Variants in TTC39B observed in about 807,000 individuals in gnomAD.
TTC39B encodes tetratricopeptide repeat protein 39B.
TTC39B carries 92 observed loss-of-function variants against 96.6 expected under a neutral mutation model. That is an observed-to-expected ratio of 0.95 (90% CI 0.80 to 1.13). The LOEUF (loss-of-function observed/expected upper bound fraction) is 1.13, where lower values mean the gene tolerates loss of function less well. Among genes scored for constraint, TTC39B ranks in the 50% most tolerant of loss-of-function variants. The pLI is 0.00. For missense variants in TTC39B, 955 were observed against 809.3 expected, an observed-to-expected ratio of 1.18 and a Z score of -2.18; for synonymous variants, 367 against 299.4, an observed-to-expected ratio of 1.23 and a Z score of -2.33.
At chr9:15,289,899 A>T (rs1030518689) in intron 1 of TTC39B, among the ~76,000 whole-genome samples, 1 of 152,128 alleles carries the variant, frequency 6.6e-6, no homozygotes, top group Non-Finnish European at 1.5e-5. Flanking sequence ...CAAATTATTC[A>T]TGTGGGCAGG....
At position 15,199,978 on chromosome 9, in the gene TTC39B, G is replaced by C. The variant is rs111916197; in HGVS notation, c.760-53C>G. On this transcript the variant is annotated intron_variant, in intron 7 of 19. Transcript: ENST00000512701. The stretch of plus-strand genomic sequence containing the variant: ...ATTATTTAGCAAAAAATTTTAAATT[G>C]TCCCCACAGTTGTGTGTTTGTGTGA... 1,671 of 1,027,694 alleles carry C rather than the reference G, an allele frequency of 1.6e-3. 32 individuals carry two copies. The African/African-American group carries it at 0.024, about 15-fold the overall frequency. The allele number at this position is 1,027,694 out of a possible 1,614,324, so 63.7% of individuals were successfully genotyped here. A position where few individuals can be genotyped will look rare whatever the true frequency, so the allele number is the denominator to read the frequency against.
At chr9:15,274,310 T>G (rs1328218654) in intron 1 of TTC39B, among the ~76,000 whole-genome samples, 1 of 152,234 alleles carries the variant, frequency 6.6e-6, no homozygotes, top group African/African-American at 2.4e-5. Context: ...TTTGTCAAGT[T>G]CAAAAAGTAG....
intron 17 of TTC39B, among the ~76,000 whole-genome samples, chr9:15,178,479 G>A (rs1818079650): frequency 6.6e-6 from 1 of 152,142 alleles, no homozygotes; most frequent in Non-Finnish European, 1.5e-5. Context: ...AGAGATAGAG[G>A]CAGGAAGATC....
intron 1 of TTC39B, among the ~76,000 whole-genome samples, chr9:15,271,548 A>T (rs1823353587): frequency 1.3e-5 from 2 of 152,130 alleles, no homozygotes; most frequent in Admixed American, 1.3e-4. Context: ...CACATTTCAC[A>T]GTAGGGTTAG....
At chr9:15,244,593 G>C (rs1822189167) in intron 2 of TTC39B, among the ~76,000 whole-genome samples, 1 of 152,130 alleles carries the variant, frequency 6.6e-6, no homozygotes, top group East Asian at 1.9e-4. Context: ...AGGAGTTATA[G>C]AGGAGTATAG....
chr9:15,282,127 G>A (rs574436346), intron 1 of TTC39B, among the ~76,000 whole-genome samples: 1 of 152,240 alleles, frequency 6.6e-6, no homozygotes, highest in African/African-American at 2.4e-5. Flanking sequence ...GTAAAATGCT[G>A]ACATTTTGGT....
intron 9 of TTC39B, 38 bp downstream of exon 9, chr9:15,192,552 C>T: frequency 6.5e-7 from 1 of 1,530,904 alleles, no homozygotes; most frequent in Non-Finnish European, 9.0e-7. Flanking sequence ...TTAGGTTCTT[C>T]TACAAAAGTT....
chr9:15,273,325 G>A (rs1055114856), intron 1 of TTC39B, among the ~76,000 whole-genome samples: 2 of 152,082 alleles, frequency 1.3e-5, no homozygotes, highest in Non-Finnish European at 2.9e-5. Flanking sequence ...AATTCACTTC[G>A]TGGTTTGAAA....
chr9:15,175,066 T>A lies in TTC39B; in HGVS notation c.1911A>T (p.Lys637Asn), dbSNP rs1250744589. Residue 637 changes from lysine (K) to asparagine (N), a missense_variant, in exon 19 of 20, where the codon AAA becomes AAT. Coordinates refer to ENST00000512701, the Ensembl canonical transcript of TTC39B. ...TGGCCTTGTCAATTTCCCCCTGGCT[T>A]TTATACAAAGATGCCAATTCAAATA... 1 of 1,613,782 alleles carries A rather than the reference T, an allele frequency of 6.2e-7. No individual in the cohort carries two copies. The highest frequency in any genetic ancestry group is 8.5e-7 in the Non-Finnish European group (1 of 1,179,768).
exon 20 of TTC39B, chr9:15,168,406 C>T (rs1275174212): frequency 1.3e-5 from 1 of 76,602 alleles, no homozygotes; most frequent in African/African-American, 5.3e-5. Context: ...TCTAAATATG[C>T]AGAGTATAAA....
At chr9:15,216,319 T>C (rs553406267) in intron 3 of TTC39B, among the ~76,000 whole-genome samples, 1 of 152,254 alleles carries the variant, frequency 6.6e-6, no homozygotes, top group South Asian at 2.1e-4. Context: ...TGTTGAGTGG[T>C]AAATGGGTGG....
chr9:15,219,614 T>C (rs2131380464), intron 3 of TTC39B, among the ~76,000 whole-genome samples: 1 of 152,282 alleles, frequency 6.6e-6, no homozygotes. Flanking sequence ...CATCCTTATC[T>C]CCGACACCTC....
intron 1 of TTC39B, among the ~76,000 whole-genome samples, chr9:15,298,601 C>T (rs1824466670): frequency 6.6e-6 from 1 of 152,070 alleles, no homozygotes; most frequent in Admixed American, 6.5e-5. Context: ...CATGGGAAAA[C>T]CCACCCCCAT....
chr9:15,192,795 T>C, intron 8 of TTC39B, 100 bp from the exon 9 acceptor site: 1 of 764,284 alleles, frequency 1.3e-6, no homozygotes, highest in Non-Finnish European at 2.1e-6. Context: ...TAAATGTCAT[T>C]AATTAAAATA....
At chr9:15,246,475 A>G (rs1398831516) in intron 2 of TTC39B, among the ~76,000 whole-genome samples, 1 of 152,200 alleles carries the variant, frequency 6.6e-6, no homozygotes, top group African/African-American at 2.4e-5. Flanking sequence ...AGTGTGGTAG[A>G]TTATAAACGG....
intron 2 of TTC39B, among the ~76,000 whole-genome samples, chr9:15,231,711 AAT>A (rs1821432805): frequency 6.6e-6 from 1 of 152,226 alleles, no homozygotes; most frequent in African/African-American, 2.4e-5. Flanking sequence ...AATCCAACAC[AAT>A]ATGTTATGTT....
intron 17 of TTC39B, among the ~76,000 whole-genome samples, chr9:15,178,498 C>T (rs189452385): frequency 8.5e-5 from 13 of 152,240 alleles, no homozygotes; most frequent in Admixed American, 8.5e-4. Context: ...TCATTTGAGC[C>T]CAGCAGTTGG....
At chr9:15,197,514 C>G (rs1218782006) in intron 8 of TTC39B, among the ~76,000 whole-genome samples, 2 of 151,910 alleles carry the variant, frequency 1.3e-5, no homozygotes, top group Non-Finnish European at 2.9e-5. Context: ...AACTTTCCCA[C>G]AAGTAACTAT....
intron 1 of TTC39B, among the ~76,000 whole-genome samples, chr9:15,271,661 A>G (rs1823358292): frequency 6.6e-6 from 1 of 152,148 alleles, no homozygotes; most frequent in Non-Finnish European, 1.5e-5. Context: ...CTGGTTCCTA[A>G]CAGGCTACAG....
Sources: gnomAD v4.1 joint callset for allele counts (sites outside exome capture counted in the v4.1 genomes callset) on GRCh38, gnomAD v4.1.1 for gene constraint, MANE v1.5 for transcripts, NCBI Gene and HGNC (gene_info 2026-07-23, HGNC 2026-07-21) for gene names.